Variants in ATF6 observed in about 807,000 individuals in gnomAD.
The protein encoded by ATF6 is cyclic AMP-dependent transcription factor ATF-6 alpha.
Under a neutral mutation model 83.6 loss-of-function variants are expected in ATF6, and 53 were observed. That is an observed-to-expected ratio of 0.63 (90% CI 0.51 to 0.80). ATF6 has a LOEUF of 0.80. Among genes scored for constraint, ATF6 ranks in the 30% least tolerant of loss-of-function variants. The pLI, the probability that ATF6 is intolerant of heterozygous loss-of-function variation, is 0.00. For synonymous variants in ATF6, 288 were observed against 285.8 expected, an observed-to-expected ratio of 1.01 and a Z score of -0.08; for missense variants, 744 against 797.9, an observed-to-expected ratio of 0.93 and a Z score of 0.81.
At chr1:161,871,494 A>C (rs1281961973) in intron 14 of ATF6, among the ~76,000 whole-genome samples, 1 of 151,630 alleles carries the variant, frequency 6.6e-6, no homozygotes, top group Non-Finnish European at 1.5e-5. Context: ...CTTAAAATAA[A>C]AGTTAAAAAA....
chr1:161,817,810 G>T (rs1685649488), intron 7 of ATF6, among the ~76,000 whole-genome samples: 1 of 152,134 alleles, frequency 6.6e-6, no homozygotes, highest in East Asian at 1.9e-4. Flanking sequence ...AAAAGAAATA[G>T]ATTACAGGCT....
intron 7 of ATF6, among the ~76,000 whole-genome samples, chr1:161,811,229 CTG>C (rs1685447925): frequency 6.6e-6 from 1 of 152,172 alleles, no homozygotes; most frequent in African/African-American, 2.4e-5. Flanking sequence ...GTATCAATGG[CTG>C]TGTATTCCTG....
At chr1:161,818,100 C>CAAAAAAAAAAAAA (rs778851235) in intron 7 of ATF6, among the ~76,000 whole-genome samples, 1 of 79,774 alleles carries the variant, frequency 1.3e-5, no homozygotes, top group Admixed American at 1.3e-4. Flanking sequence ...GACTCCATCT[C>CAAAAAAAAAAAAA]AAAAAAAAAA....
Position 161,960,927 on chromosome 1 carries a change from A to G in ATF6, c.*2273A>G, listed in dbSNP as rs988388811. 1 of 152,194 alleles carries G rather than the reference A, an allele frequency of 6.6e-6. No individual in the cohort carries two copies. The highest frequency in any genetic ancestry group is 2.4e-5 in the African/African-American group (1 of 41,440). 9.4% of individuals were successfully genotyped at this position (152,194 alleles called of 1,614,324 possible). A position where few individuals can be genotyped will look rare whatever the true frequency, so the allele number is the denominator to read the frequency against. ...GCAACATAGTCATCCCCAAGATGCT[A>G]ATCTTCTGCTGGAACTGTCATACGT... is the stretch of plus-strand genomic sequence containing the variant. On this transcript the variant is annotated 3_prime_UTR_variant, in exon 16 of 16. Transcript: ENST00000367942.
intron 14 of ATF6, among the ~76,000 whole-genome samples, chr1:161,883,235 G>C (rs1303240869): frequency 6.6e-6 from 1 of 151,974 alleles, no homozygotes; most frequent in African/African-American, 2.4e-5. Flanking sequence ...TGTGGGGAAA[G>C]AGAATCAGAA....
intron 6 of ATF6, among the ~76,000 whole-genome samples, chr1:161,799,633 A>C (rs1166497110): frequency 6.6e-6 from 1 of 152,214 alleles, no homozygotes; most frequent in East Asian, 1.9e-4. Flanking sequence ...CGAGAAGGTA[A>C]AAATGTTTAA....
At chr1:161,938,068 C>T (rs756965206) in intron 15 of ATF6, among the ~76,000 whole-genome samples, 16 of 152,112 alleles carry the variant, frequency 1.1e-4, no homozygotes, top group Non-Finnish European at 2.1e-4. Context: ...GCCTTCTACC[C>T]TTGCTTCCTC....
intron 4 of ATF6, among the ~76,000 whole-genome samples, chr1:161,788,583 T>G (rs1478727837): frequency 6.6e-6 from 1 of 152,086 alleles, no homozygotes; most frequent in Admixed American, 6.5e-5. Flanking sequence ...TTTTTTTTTC[T>G]TTTCCTTTAT....
intron 15 of ATF6, among the ~76,000 whole-genome samples, chr1:161,936,049 C>T (rs188501478): frequency 7.2e-5 from 11 of 152,300 alleles, no homozygotes; most frequent in Admixed American, 2.0e-4. Flanking sequence ...TTTTGTATCC[C>T]ACATCTTCTC....
chr1:161,821,273 A>G, intron 9 of ATF6, 112 bp downstream of exon 9: 1 of 709,616 alleles, frequency 1.4e-6, no homozygotes. Flanking sequence ...CAAGATGTGT[A>G]AAGAGTAATG....
At chr1:161,777,840 T>C (rs1412208518) in intron 1 of ATF6, among the ~76,000 whole-genome samples, 1 of 152,226 alleles carries the variant, frequency 6.6e-6, no homozygotes, top group African/African-American at 2.4e-5. Context: ...GTATATACTT[T>C]CCACAGCCCT....
At chr1:161,947,257 G>A (rs536126932) in intron 15 of ATF6, among the ~76,000 whole-genome samples, 1 of 152,052 alleles carries the variant, frequency 6.6e-6, no homozygotes, top group Non-Finnish European at 1.5e-5. Flanking sequence ...GCAAGGTGTG[G>A]GGGTCAGTAG....
chr1:161,768,883 A>G (rs1557949924), intron 1 of ATF6, among the ~76,000 whole-genome samples: 1 of 152,084 alleles, frequency 6.6e-6, no homozygotes, highest in Non-Finnish European at 1.5e-5. Flanking sequence ...TTTTTTTAAT[A>G]TTAGACACTA....
chr1:161,826,623 A>T (rs1685907531), intron 9 of ATF6, among the ~76,000 whole-genome samples: 1 of 152,214 alleles, frequency 6.6e-6, no homozygotes. Flanking sequence ...TTAAAAAAAC[A>T]TGTTAAAAGG....
intron 7 of ATF6, among the ~76,000 whole-genome samples, chr1:161,818,621 C>T (rs1367782678): frequency 6.6e-6 from 1 of 152,064 alleles, no homozygotes; most frequent in Non-Finnish European, 1.5e-5. Context: ...TCAAATGGAC[C>T]TTGGAATTAG....
intron 15 of ATF6, among the ~76,000 whole-genome samples, chr1:161,914,373 T>TC (rs1688048719): frequency 6.6e-6 from 1 of 152,166 alleles, no homozygotes. Context: ...ATCTGTCACA[T>TC]CACACTTTAC....
chr1:161,878,290 G>A (rs1205210316), intron 14 of ATF6, among the ~76,000 whole-genome samples: 1 of 151,694 alleles, frequency 6.6e-6, no homozygotes, highest in Admixed American at 6.6e-5. Context: ...ATTTTTGTAT[G>A]TTTTAGTAGA....
intron 6 of ATF6, among the ~76,000 whole-genome samples, chr1:161,796,188 A>G (rs567560936): frequency 6.6e-6 from 1 of 152,354 alleles, no homozygotes; most frequent in South Asian, 2.1e-4. Flanking sequence ...AAATATTACA[A>G]AGCCCTCTGT....
intron 15 of ATF6, among the ~76,000 whole-genome samples, chr1:161,954,382 C>T: frequency 6.6e-6 from 1 of 152,180 alleles, no homozygotes; most frequent in East Asian, 1.9e-4. Context: ...ACATATACAG[C>T]AGCACTACCT....
Sources: gnomAD v4.1 joint callset for allele counts (sites outside exome capture counted in the v4.1 genomes callset) on GRCh38, gnomAD v4.1.1 for gene constraint, MANE v1.5 for transcripts, NCBI Gene and HGNC (gene_info 2026-07-23, HGNC 2026-07-21) for gene names.